The following FOXN3 variants were observed in gnomAD, a reference collection of about 807,000 sequenced individuals.
FOXN3 encodes forkhead box protein N3.
A neutral mutation model predicts 38.4 loss-of-function variants in FOXN3; 7 were observed. The observed-to-expected ratio is 0.18, with a 90% CI of 0.10 to 0.34. The LOEUF is 0.34. FOXN3 is among the 10% of genes least tolerant of loss of function. The probability of loss-of-function intolerance (pLI) is 1.00; values close to 1 mark genes in which losing one functional copy is unlikely to be tolerated. For synonymous variants in FOXN3, 230 were observed against 242.2 expected (o/e 0.95, Z 0.47); for missense variants, 456 against 613.4 (o/e 0.74, Z 2.71).
chr14:89,258,985 C>T (rs1042069614), intron 4 of FOXN3, among the ~76,000 whole-genome samples: 1 of 152,218 alleles, frequency 6.6e-6, no homozygotes, highest in African/African-American at 2.4e-5. Flanking sequence ...TGGCCACTTG[C>T]CTAGCTTAGT....
At chr14:89,472,629 G>A (rs528843028) in intron 1 of FOXN3, among the ~76,000 whole-genome samples, 1 of 150,788 alleles carries the variant, frequency 6.6e-6, no homozygotes, top group Non-Finnish European at 1.5e-5. Flanking sequence ...GCTGAGGCAG[G>A]AGAATGGTGT....
chr14:89,556,278 C>T (rs920592318), intron 1 of FOXN3, among the ~76,000 whole-genome samples: 2 of 152,010 alleles, frequency 1.3e-5, no homozygotes, highest in Non-Finnish European at 2.9e-5. Context: ...TGGCACATGC[C>T]TGTAATCCCA....
chr14:89,279,895 T>C (rs537189743), intron 4 of FOXN3, among the ~76,000 whole-genome samples: 189 of 152,334 alleles, frequency 1.2e-3, no homozygotes, highest in African/African-American at 4.5e-3. Flanking sequence ...TACGGAAACC[T>C]GAAGATACAT....
chr14:89,490,588 G>A (rs1893551937), intron 1 of FOXN3, among the ~76,000 whole-genome samples: 1 of 152,224 alleles, frequency 6.6e-6, no homozygotes, highest in South Asian at 2.1e-4. Context: ...AGCTCCCTGA[G>A]GTTCCTTCTG....
chr14:89,402,173 A>G (rs932066541), intron 2 of FOXN3, among the ~76,000 whole-genome samples: 1 of 152,216 alleles, frequency 6.6e-6, no homozygotes, highest in African/African-American at 2.4e-5. Context: ...CTTCACCTCA[A>G]TCAAGCTACC....
intron 4 of FOXN3, among the ~76,000 whole-genome samples, chr14:89,210,772 C>T (rs988054429): frequency 5.3e-5 from 8 of 152,200 alleles, no homozygotes; most frequent in Admixed American, 3.3e-4. Flanking sequence ...GAGGTGCTAT[C>T]GAGTCAGCCC....
At chr14:89,576,947 C>A (rs573495209) in intron 1 of FOXN3, 1 of 152,344 alleles carries the variant, frequency 6.6e-6, no homozygotes, top group South Asian at 2.1e-4. Context: ...TCTCAAAAAT[C>A]TTCCCTAAGT....
intron 1 of FOXN3, among the ~76,000 whole-genome samples, chr14:89,586,173 A>C (rs1291478019): frequency 6.6e-6 from 1 of 152,148 alleles, no homozygotes; most frequent in East Asian, 1.9e-4. Flanking sequence ...GGCATACCGG[A>C]TCAAAAGTAT....
intron 3 of FOXN3, among the ~76,000 whole-genome samples, chr14:89,323,301 A>AAAAGAAAGAAAG (rs1555417897): frequency 7.0e-6 from 1 of 142,980 alleles, no homozygotes; most frequent in African/African-American, 2.6e-5. Context: ...AAAAAAAAAA[A>AAAAGAAAGAAAG]AAAGAAAGAA....
At chr14:89,188,384 G>A (rs1887862666) in intron 4 of FOXN3, among the ~76,000 whole-genome samples, 1 of 152,144 alleles carries the variant, frequency 6.6e-6, no homozygotes, top group South Asian at 2.1e-4. Context: ...GTTTATGGAA[G>A]CTGCTGAGGA....
chr14:89,394,087 C>T (rs1026627259), intron 2 of FOXN3, among the ~76,000 whole-genome samples: 4 of 152,020 alleles, frequency 2.6e-5, no homozygotes, highest in Non-Finnish European at 4.4e-5. Context: ...CAAAACTCAT[C>T]CTTTTATAAG....
chr14:89,516,005 G>A (rs888676723), intron 1 of FOXN3, among the ~76,000 whole-genome samples: 1 of 152,150 alleles, frequency 6.6e-6, no homozygotes, highest in Non-Finnish European at 1.5e-5. Flanking sequence ...CACTTGAAAT[G>A]GCTGTAGAGT....
At chr14:89,567,238 A>G (rs1479969382) in intron 1 of FOXN3, among the ~76,000 whole-genome samples, 1 of 152,172 alleles carries the variant, frequency 6.6e-6, no homozygotes, top group Non-Finnish European at 1.5e-5. Flanking sequence ...CTTGCTTTAG[A>G]GTCAAGCTCT....
chr14:89,421,070 C>T (rs1277360777), upstream of FOXN3, among the ~76,000 whole-genome samples: 1 of 150,504 alleles, frequency 6.6e-6, no homozygotes, highest in Non-Finnish European at 1.5e-5. Context: ...AATAGTGGTT[C>T]CTTCTGAATG....
chr14:89,369,516 T>A (rs1352016860), intron 2 of FOXN3, among the ~76,000 whole-genome samples: 1 of 151,804 alleles, frequency 6.6e-6, no homozygotes, highest in Non-Finnish European at 1.5e-5. Flanking sequence ...ATTCTCATGC[T>A]GCTGACAAGG....
At position 89,364,606 on chromosome 14, in the gene FOXN3, C is replaced by T. The variant is rs560212231; in HGVS notation, c.544-13798G>A. On this transcript the variant is annotated intron_variant, in intron 2 of 5. Transcript: ENST00000557258. ...AATATTTCAAACTCACCGACATGTC[C>T]TCTAAATATCAGATATGAAAAGGCT... 6 of 152,248 alleles carry T rather than the reference C, an allele frequency of 3.9e-5. No homozygotes were observed. In the East Asian group the frequency reaches 1.2e-3, roughly 29 times the overall value. The allele number at this position is 152,248 out of a possible 1,614,324, so 9.4% of individuals were successfully genotyped here. A position where few individuals can be genotyped will look rare whatever the true frequency, so the allele number is the denominator to read the frequency against.
intron 1 of FOXN3, among the ~76,000 whole-genome samples, chr14:89,610,656 A>C (rs966939439): frequency 6.6e-6 from 1 of 152,196 alleles, no homozygotes; most frequent in Admixed American, 6.5e-5. Context: ...TATGAACTTC[A>C]AAAGAGCCAC....
intron 4 of FOXN3, among the ~76,000 whole-genome samples, chr14:89,228,030 G>A (rs1405030509): frequency 1.3e-5 from 2 of 152,162 alleles, no homozygotes; most frequent in Non-Finnish European, 2.9e-5. Flanking sequence ...ATGCACCACC[G>A]TGCCTGGCCA....
intron 2 of FOXN3, among the ~76,000 whole-genome samples, chr14:89,363,988 A>ATATT (rs1420813459): frequency 1.3e-4 from 7 of 52,062 alleles, no homozygotes; most frequent in African/African-American, 6.2e-4. Context: ...ATATATATAT[A>ATATT]ATATATATAT....
Sources: gnomAD v4.1 joint callset for allele counts (sites outside exome capture counted in the v4.1 genomes callset) on GRCh38, gnomAD v4.1.1 for gene constraint, MANE v1.5 for transcripts, NCBI Gene and HGNC (gene_info 2026-07-23, HGNC 2026-07-21) for gene names.